Variants in SCP2 observed in about 807,000 individuals in gnomAD.
SCP2 encodes the protein SCP-2/3-oxoacyl-CoA thiolase.
SCP2 carries 48 observed loss-of-function variants against 71.4 expected under a neutral mutation model. That is an observed-to-expected ratio of 0.67 (90% CI 0.53 to 0.86). The LOEUF (loss-of-function observed/expected upper bound fraction) is 0.86, where lower values mean the gene tolerates loss of function less well. Ranked by LOEUF, SCP2 falls within the 40% of genes least tolerant of loss-of-function variation. SCP2 has a pLI of 0.00. For missense variants in SCP2, 560 were observed against 655.6 expected (o/e 0.85, Z 1.59); for synonymous variants, 220 against 218.1 (o/e 1.01, Z -0.08).
At chr1:52,948,624 C>CAAAAAA (rs567151231) in intron 3 of SCP2, among the ~76,000 whole-genome samples, 5 of 49,560 alleles carry the variant, frequency 1.0e-4, no homozygotes, top group Non-Finnish European at 1.4e-4. Context: ...GACTCCATCT[C>CAAAAAA]AAAAAAAAAA....
intron 14 of SCP2, 143 bp from the exon 15 acceptor site, chr1:53,047,715 T>C (rs1663919701): frequency 4.5e-6 from 3 of 664,412 alleles, no homozygotes; most frequent in African/African-American, 1.8e-5. Context: ...CAGGCTGCCA[T>C]AGAAGTATAT....
intron 2 of SCP2, among the ~76,000 whole-genome samples, chr1:52,946,230 CT>C (rs1163782324): frequency 6.7e-6 from 1 of 150,278 alleles, no homozygotes; most frequent in Non-Finnish European, 1.5e-5. Flanking sequence ...TGCCTGGCCT[CT>C]TTTTTTTGTT....
chr1:53,008,906 TAA>T, intron 11 of SCP2, among the ~76,000 whole-genome samples: 1 of 152,196 alleles, frequency 6.6e-6, no homozygotes, highest in East Asian at 1.9e-4. Flanking sequence ...AAAATCTCCT[TAA>T]GCTGATAAGC....
In SCP2 at chr1:53,037,917, C is replaced by CACACAT. The variant is rs1572223818; in HGVS notation, c.1339-995_1339-994insTACACA. ...ACACACACACACACACACACACACA[C>CACACAT]ACACACACACACAGATCCAGATCCT... On this transcript the variant is annotated intron_variant, in intron 13 of 15. Coordinates refer to ENST00000371514, the MANE Select transcript of SCP2 (RefSeq NM_002979.5). 5.2e-4 allele frequency among the ~76,000 whole-genome samples: 61 copies of CACACAT among 117,384 alleles called. No homozygotes were observed. In the East Asian group the frequency reaches 8.7e-3, roughly 17 times the overall value. The allele number at this position is 117,384 out of a possible 152,430, so 77.0% of individuals were successfully genotyped here.
At chr1:52,958,849 C>T (rs1041796571) in intron 5 of SCP2, among the ~76,000 whole-genome samples, 3 of 152,050 alleles carry the variant, frequency 2.0e-5, no homozygotes, top group Non-Finnish European at 2.9e-5. Context: ...GCCACTGCGC[C>T]GGGCCTGATT....
intron 12 of SCP2, among the ~76,000 whole-genome samples, chr1:53,026,106 T>A (rs1433355178): frequency 6.6e-6 from 1 of 152,164 alleles, no homozygotes; most frequent in East Asian, 1.9e-4. Context: ...TCCTTTTTTT[T>A]AAATTTAAAA....
At chr1:52,980,302 AGTT>A in intron 9 of SCP2, 91 bp from the exon 10 acceptor site, 1 of 1,162,772 alleles carries the variant, frequency 8.6e-7, no homozygotes, top group South Asian at 1.5e-5. Context: ...GTCAATTATC[AGTT>A]GTTAAGGTTA....
At chr1:53,033,604 CAAAA>C (rs59576285) in intron 13 of SCP2, among the ~76,000 whole-genome samples, 9,101 of 79,702 alleles carry the variant, frequency 0.11, 539 homozygotes, top group Admixed American at 0.26. Context: ...AACTCCATTT[CAAAA>C]AAAAAAAAAA....
chr1:52,998,986 T>A (rs1393658375), intron 11 of SCP2, among the ~76,000 whole-genome samples: 1 of 152,246 alleles, frequency 6.6e-6, no homozygotes, highest in Non-Finnish European at 1.5e-5. Context: ...AAATCTGCAG[T>A]ATCCTTTGAT....
rs372276675 is a variant in SCP2, at chr1:53,032,882, G to T, written c.1338+4811G>T. On this transcript the variant is annotated intron_variant, in intron 13 of 15. Coordinates refer to ENST00000371514, the MANE Select transcript of SCP2 (RefSeq NM_002979.5). ...TTTGTATGGTTTTGTGAAGATTAAAGAAATTATATATACAAAATATATTTA... is the reference window on the plus strand; with the variant it reads ...TTTGTATGGTTTTGTGAAGATTAAATAAATTATATATACAAAATATATTTA... 1.8e-3 allele frequency among the ~76,000 whole-genome samples: 269 copies of T among 152,140 alleles called. 8 individuals are homozygous for T. In the South Asian group the frequency reaches 0.055, roughly 31 times the overall value.
At chr1:52,968,863 T>C (rs1657206482) in intron 6 of SCP2, among the ~76,000 whole-genome samples, 1 of 152,154 alleles carries the variant, frequency 6.6e-6, no homozygotes, top group African/African-American at 2.4e-5. Context: ...AGTGGTAACA[T>C]AAAAAATTGA....
intron 11 of SCP2, chr1:52,996,136 T>A (rs776912228): frequency 1.5e-4 from 71 of 459,050 alleles, no homozygotes; most frequent in South Asian, 1.0e-3. Context: ...CAAATCTAGA[T>A]CTAGAACAGT....
chr1:52,967,865 A>T (rs190713437), intron 6 of SCP2, among the ~76,000 whole-genome samples: 66 of 152,292 alleles, frequency 4.3e-4, no homozygotes, highest in Admixed American at 2.9e-3. Flanking sequence ...CACAAGGAAC[A>T]CTGTGCTTGG....
At chr1:52,945,619 T>C (rs1314818532) in intron 2 of SCP2, among the ~76,000 whole-genome samples, 7 of 151,758 alleles carry the variant, frequency 4.6e-5, no homozygotes, top group Admixed American at 3.9e-4. Flanking sequence ...AGGAGAATGG[T>C]GGGAACCCAG....
At chr1:53,050,560 T>C in intron 15 of SCP2, 49 bp from the exon 16 acceptor site, 1 of 1,193,686 alleles carries the variant, frequency 8.4e-7, no homozygotes, top group Non-Finnish European at 1.3e-6. Flanking sequence ...ACATCAGCAA[T>C]CTTAAAACAA....
intron 10 of SCP2, among the ~76,000 whole-genome samples, chr1:52,982,574 A>C (rs1658631382): frequency 6.6e-6 from 1 of 152,144 alleles, no homozygotes; most frequent in African/African-American, 2.4e-5. Flanking sequence ...CATCTCAAAA[A>C]AACAAAAAAA....
At position 52,951,555 on chromosome 1, in the gene SCP2, TAA is replaced by T. The variant is rs563183018; in HGVS notation, c.331+692_331+693del. 2.6e-4 allele frequency among the ~76,000 whole-genome samples: 19 copies of T among 72,564 alleles called. 1 individual carries two copies. The highest frequency in any genetic ancestry group is 3.4e-4 in the Admixed American group (2 of 5,894). 47.6% of individuals were successfully genotyped at this position (72,564 alleles called of 152,430 possible). A position where few individuals can be genotyped will look rare whatever the true frequency, so the allele number is the denominator to read the frequency against. ...CTGGGCCACACAGTGAGACTGTCTC[TAA>T]AAAAAAAAAAAAAAAAAAAAAATTA... is the stretch of plus-strand genomic sequence containing the variant. On this transcript the variant is annotated intron_variant, in intron 4 of 15. Coordinates refer to ENST00000371514, the MANE Select transcript of SCP2 (RefSeq NM_002979.5).
In SCP2 at chr1:52,941,933, G is replaced by A. The variant is rs1415095349; in HGVS notation, c.127+80G>A. ...TTGATTTCATGGATGGGGCAGCCTT[G>A]CAAGCACAAAAGGAAGCCCAGTCAA... On this transcript the variant is annotated intron_variant, in intron 2 of 15. Coordinates refer to ENST00000371514, the MANE Select transcript of SCP2 (RefSeq NM_002979.5). The A allele has an allele frequency of 5.7e-6, 6 of 1,047,200 alleles. No homozygotes were observed. In the East Asian group the frequency reaches 9.8e-5, roughly 17 times the overall value. The allele number at this position is 1,047,200 out of a possible 1,614,324, so 64.9% of individuals were successfully genotyped here. A position where few individuals can be genotyped will look rare whatever the true frequency, so the allele number is the denominator to read the frequency against.
chr1:52,981,774 A>T (rs1168465597), intron 10 of SCP2, among the ~76,000 whole-genome samples: 1 of 149,960 alleles, frequency 6.7e-6, no homozygotes, highest in Admixed American at 6.7e-5. Context: ...AAAATATTTT[A>T]TATATATATA....
Sources: gnomAD v4.1 joint callset for allele counts (sites outside exome capture counted in the v4.1 genomes callset) on GRCh38, gnomAD v4.1.1 for gene constraint, MANE v1.5 for transcripts, NCBI Gene and HGNC (gene_info 2026-07-23, HGNC 2026-07-21) for gene names.